DPP6: variants seen among roughly 807,000 people sequenced by gnomAD.
DPP6 encodes the protein A-type potassium channel modulatory protein DPP6.
A neutral mutation model predicts 122.6 loss-of-function variants in DPP6; 69 were observed. That is an observed-to-expected ratio of 0.56 (90% CI 0.46 to 0.69). The LOEUF (loss-of-function observed/expected upper bound fraction) is 0.69. Among genes scored for constraint, DPP6 ranks in the 30% least tolerant of loss-of-function variants. DPP6 has a pLI of 0.00. For synonymous variants in DPP6, 418 were observed against 433.1 expected (o/e 0.97, Z 0.43); for missense variants, 928 against 1,116.9 (o/e 0.83, Z 2.41).
At chr7:154,748,429 G>A (rs567321811) in intron 8 of DPP6, among the ~76,000 whole-genome samples, 26 of 152,284 alleles carry the variant, frequency 1.7e-4, no homozygotes, top group African/African-American at 6.0e-4. Flanking sequence ...CTCTCCTGCC[G>A]CCACCCACAC....
rs1173518698 is a variant in DPP6 at position 154,893,462 on chromosome 7, A to AC, written c.*982_*983insC. 2 of 128,958 alleles carry AC rather than the reference A, an allele frequency of 1.6e-5. No individual in the cohort carries two copies. Among genetic ancestry groups the AC allele is most frequent in the East Asian group, 4.4e-4 (2 of 4,532 alleles). 8.0% of individuals were successfully genotyped at this position (128,958 alleles called of 1,614,324 possible). ...CCATGACATTTGGTTTAAAAAAAAA[A>AC]AAAAAAAAAAAAAAAAAACAGAAAA... On this transcript the variant is annotated 3_prime_UTR_variant, in exon 26 of 26. Coordinates refer to ENST00000377770, the MANE Select transcript of DPP6 (RefSeq NM_130797.4).
intron 1 of DPP6, among the ~76,000 whole-genome samples, chr7:154,005,793 C>G (rs1291971987): frequency 6.6e-6 from 1 of 151,448 alleles, no homozygotes; most frequent in African/African-American, 2.4e-5. Context: ...TTCTTGGACT[C>G]TCACTTCACC....
chr7:153,996,823 G>A (rs1563085896), intron 1 of DPP6, among the ~76,000 whole-genome samples: 1 of 152,150 alleles, frequency 6.6e-6, no homozygotes, highest in Non-Finnish European at 1.5e-5. Context: ...GGTTGATATG[G>A]TGAGATGAGG....
chr7:154,239,991 TTAAAAAAAAAAAAAAAAAA>T (rs1801477712), intron 1 of DPP6, among the ~76,000 whole-genome samples: 1 of 66,214 alleles, frequency 1.5e-5, no homozygotes, highest in African/African-American at 6.8e-5. Context: ...GATGCTGTCT[TTAAAAAAAAAAAAAAAAAA>T]AAAAAAAAAA....
chr7:154,662,920 T>C (rs1384009483), intron 6 of DPP6, among the ~76,000 whole-genome samples: 1 of 63,454 alleles, frequency 1.6e-5, no homozygotes, highest in Non-Finnish European at 4.2e-5. Flanking sequence ...GTAGTGTTCA[T>C]ATAGTCATGG....
chr7:154,404,980 A>G (rs1413449132), intron 1 of DPP6, among the ~76,000 whole-genome samples: 4 of 152,240 alleles, frequency 2.6e-5, no homozygotes, highest in African/African-American at 4.8e-5. Context: ...AGTAATAATA[A>G]CAAATGTGTT....
chr7:154,058,876 A>AC (rs1218849924), intron 1 of DPP6: 1 of 132,806 alleles, frequency 7.5e-6, no homozygotes, highest in Non-Finnish European at 1.6e-5. Context: ...GTGGGGAGGC[A>AC]CCCCCTACGA....
At chr7:154,591,749 C>T (rs1467180043) in intron 5 of DPP6, among the ~76,000 whole-genome samples, 2 of 152,214 alleles carry the variant, frequency 1.3e-5, no homozygotes, top group Non-Finnish European at 2.9e-5. Flanking sequence ...CCAAATGCAT[C>T]GCCAGCTGCA....
intron 1 of DPP6, among the ~76,000 whole-genome samples, chr7:154,283,488 T>G (rs1804659996): frequency 6.6e-6 from 1 of 151,744 alleles, no homozygotes; most frequent in Non-Finnish European, 1.5e-5. Context: ...CATCAAGAAT[T>G]TGATGAGTAC....
At chr7:154,488,067 T>C (rs1263215363) in intron 3 of DPP6, among the ~76,000 whole-genome samples, 2 of 128,678 alleles carry the variant, frequency 1.6e-5, no homozygotes, top group East Asian at 3.9e-4. Context: ...ATTAACTGAT[T>C]GAATGATTCA....
chr7:154,647,591 A>G (rs542665900), intron 6 of DPP6, among the ~76,000 whole-genome samples: 22 of 152,034 alleles, frequency 1.4e-4, no homozygotes, highest in Non-Finnish European at 2.6e-4. Flanking sequence ...AGCCTGGCCA[A>G]CCTCACATGT....
chr7:154,163,599 T>TA (rs1160138121), intron 1 of DPP6, among the ~76,000 whole-genome samples: 1 of 152,160 alleles, frequency 6.6e-6, no homozygotes, highest in Non-Finnish European at 1.5e-5. Flanking sequence ...AGTGTCCTGA[T>TA]TACTGAGGCA....
At chr7:154,477,001 C>A (rs1313873358) in intron 3 of DPP6, among the ~76,000 whole-genome samples, 1 of 152,022 alleles carries the variant, frequency 6.6e-6, no homozygotes, top group Non-Finnish European at 1.5e-5. Flanking sequence ...ATGGCTTCAG[C>A]CTGGGAGGTC....
intron 7 of DPP6, among the ~76,000 whole-genome samples, chr7:154,720,275 G>A (rs190443817): frequency 1.5e-3 from 222 of 152,302 alleles, no homozygotes; most frequent in African/African-American, 5.0e-3. Flanking sequence ...CAGGCAGGGC[G>A]CCAGGGCAGG....
At chr7:154,005,788 G>A (rs565300363) in intron 1 of DPP6, among the ~76,000 whole-genome samples, 6 of 151,476 alleles carry the variant, frequency 4.0e-5, no homozygotes, top group Admixed American at 3.3e-4. Context: ...GGGTTTTCTT[G>A]GACTCTCACT....
chr7:154,838,178 A>G (rs1314426480), intron 16 of DPP6, among the ~76,000 whole-genome samples: 1 of 152,214 alleles, frequency 6.6e-6, no homozygotes, highest in African/African-American at 2.4e-5. Context: ...TAATTCTTAA[A>G]TAATTCATGG....
At chr7:154,408,971 T>A (rs991464346) in intron 1 of DPP6, among the ~76,000 whole-genome samples, 2 of 152,102 alleles carry the variant, frequency 1.3e-5, no homozygotes, top group African/African-American at 4.8e-5. Flanking sequence ...TGAAACCACA[T>A]CTGTACTAAA....
At chr7:154,467,817 A>G (rs1821920884) in intron 2 of DPP6, among the ~76,000 whole-genome samples, 1 of 152,194 alleles carries the variant, frequency 6.6e-6, no homozygotes, top group Non-Finnish European at 1.5e-5. Context: ...TCTTCTAGAT[A>G]CTTTCATCTC....
At chr7:154,466,015 A>G (rs1238811565) in intron 2 of DPP6, among the ~76,000 whole-genome samples, 1 of 152,210 alleles carries the variant, frequency 6.6e-6, no homozygotes, top group Non-Finnish European at 1.5e-5. Flanking sequence ...ACCATGGAAT[A>G]CTATGCAGTC....
Sources: allele counts gnomAD v4.1 joint callset (sites outside exome capture counted in the v4.1 genomes callset), GRCh38; gene constraint gnomAD v4.1.1; transcripts MANE v1.5; gene names NCBI Gene and HGNC (gene_info 2026-07-23, HGNC 2026-07-21).